Variants in BSPH1 observed in about 807,000 individuals in gnomAD.
BSPH1 encodes binder of sperm protein homolog 1.
A neutral mutation model predicts 22.5 loss-of-function variants in BSPH1; 21 were observed. That is an observed-to-expected ratio of 0.93 (90% CI 0.66 to 1.35). The LOEUF (loss-of-function observed/expected upper bound fraction) is 1.35, where lower values mean the gene tolerates loss of function less well. Ranked by LOEUF, BSPH1 falls within the 40% of genes most tolerant of loss-of-function variation. BSPH1 has a pLI of 0.00. For synonymous variants in BSPH1, 42 were observed against 53.6 expected, an observed-to-expected ratio of 0.78 and a Z score of 0.95; for missense variants, 141 against 154.2, an observed-to-expected ratio of 0.91 and a Z score of 0.45.
chr19:47,971,026 G>C (rs886965062), intron 5 of BSPH1, among the ~76,000 whole-genome samples: 14 of 152,102 alleles, frequency 9.2e-5, no homozygotes, highest in African/African-American at 3.4e-4. Context: ...CTGATACAGG[G>C]AGAAAAATAT....
At chr19:47,989,846 C>T (rs1489059025) in intron 1 of BSPH1, among the ~76,000 whole-genome samples, 2 of 152,046 alleles carry the variant, frequency 1.3e-5, no homozygotes, top group Non-Finnish European at 1.5e-5. Flanking sequence ...AGGCTGTGTG[C>T]GGTGGCTCCT....
chr19:47,989,801 A>G (rs1053861361), intron 1 of BSPH1, among the ~76,000 whole-genome samples: 4 of 152,056 alleles, frequency 2.6e-5, no homozygotes, highest in Admixed American at 2.0e-4. Context: ...GCAGTTTGCT[A>G]CTCAGTAGCT....
chr19:47,971,330 G>A (rs1009810951), intron 5 of BSPH1, among the ~76,000 whole-genome samples: 25 of 152,002 alleles, frequency 1.6e-4, no homozygotes, highest in Admixed American at 1.3e-3. Flanking sequence ...CTCAGCCTCC[G>A]GAGTAGCTGG....
intron 5 of BSPH1, among the ~76,000 whole-genome samples, chr19:47,968,449 C>T (rs1969278674): frequency 6.6e-6 from 1 of 151,534 alleles, no homozygotes; most frequent in Admixed American, 6.6e-5. Flanking sequence ...CCTCTGCTTC[C>T]CGCGTTCAAA....
intron 1 of BSPH1, among the ~76,000 whole-genome samples, chr19:47,984,151 GAAAAAA>G (rs66621103): frequency 5.0e-5 from 7 of 138,662 alleles, no homozygotes; most frequent in African/African-American, 1.6e-4. Context: ...CTGGCTTGAA[GAAAAAA>G]AAAAAAATAT....
At position 47,992,047 on chromosome 19, in the gene BSPH1, G is replaced by C; in HGVS notation, c.35C>G (p.Thr12Arg). 6.5e-7 allele frequency: 1 copy of C among 1,550,380 alleles called. No individual in the cohort carries two copies. The highest frequency in any genetic ancestry group is 1.2e-5 in the South Asian group (1 of 83,994). ...GAAGATGCAAGCTGAGGAATTTCGC[G>C]TCGTTTCCACGAAGAGAAGCATCAG... ...GSLMLLFVETTRNSSACIFPV... is the reference protein window; with the variant it reads ...GSLMLLFVETRRNSSACIFPV... Residue 12 changes from threonine to arginine, a missense_variant, in exon 1 of 6, where the codon ACG (threonine) becomes AGG (arginine). Coordinates refer to ENST00000344839, the MANE Select transcript of BSPH1 (RefSeq NM_001128326.2).
chr19:47,990,068 G>A (rs373607176), intron 1 of BSPH1, among the ~76,000 whole-genome samples: 45 of 145,148 alleles, frequency 3.1e-4, no homozygotes, highest in Non-Finnish European at 4.8e-4. Context: ...GCGGTGAGCC[G>A]AGATCATGCC....
rs186939853 is a variant in BSPH1, at chr19:47,969,386, C to A, written c.*3-1177G>T. 2.6e-5 allele frequency among the ~76,000 whole-genome samples: 4 copies of A among 152,000 alleles called. No homozygotes were observed. In the East Asian group the frequency reaches 7.7e-4, roughly 29 times the overall value. On this transcript the variant is annotated intron_variant, in intron 5 of 5. Coordinates refer to ENST00000344839, the MANE Select transcript of BSPH1 (RefSeq NM_001128326.2). Reference sequence around the variant, plus strand: ...ACATCCAAGTAAACAGATCCTTTATCCAGTTTGATATATGCTTTTGGGGTT... The same window carrying A: ...ACATCCAAGTAAACAGATCCTTTATACAGTTTGATATATGCTTTTGGGGTT...
At chr19:47,980,988 AAG>A in intron 1 of BSPH1, 47 bp from the exon 2 acceptor site, 1 of 1,061,864 alleles carries the variant, frequency 9.4e-7, no homozygotes, top group Non-Finnish European at 1.3e-6. Context: ...TTTAAAATAA[AAG>A]AGATGAAAGG....
intron 5 of BSPH1, 97 bp downstream of exon 5, chr19:47,976,613 C>A: frequency 9.2e-5 from 58 of 630,626 alleles, no homozygotes; most frequent in East Asian, 1.4e-4. Context: ...AAAACCCTCT[C>A]TAATGAGAAA....
In BSPH1 at chr19:47,976,709, C is replaced by T. The variant is rs557166111; in HGVS notation, c.*2+1G>A. The T allele has an allele frequency of 6.4e-7, 1 of 1,551,428 alleles. No individual in the cohort carries two copies. Among genetic ancestry groups the T allele is most frequent in the South Asian group, 1.2e-5 (1 of 84,028 alleles). ...CATCCCCCTCCCCTGGTAAATCTCA[C>T]CATCATTCACAGTATTTCCAAATTC... is the stretch of plus-strand genomic sequence containing the variant. On this transcript the variant is annotated splice_donor_variant, in intron 5 of 5. Coordinates refer to ENST00000344839, the MANE Select transcript of BSPH1 (RefSeq NM_001128326.2). LOFTEE classifies it low-confidence loss of function (3UTR_SPLICE).
At chr19:47,985,835 G>A (rs1350574018) in intron 1 of BSPH1, among the ~76,000 whole-genome samples, 16 of 144,518 alleles carry the variant, frequency 1.1e-4, no homozygotes, top group Non-Finnish European at 1.1e-4. Context: ...ACTTTGTCTA[G>A]AAAAAAAAAA....
intron 5 of BSPH1, among the ~76,000 whole-genome samples, chr19:47,969,017 A>AG (rs1568394235): frequency 6.6e-6 from 1 of 151,692 alleles, no homozygotes; most frequent in Non-Finnish European, 1.5e-5. Context: ...AAAAAAAAAA[A>AG]AAAAAGAAAT....
At chr19:47,985,790 A>G (rs1430201246) in intron 1 of BSPH1, among the ~76,000 whole-genome samples, 1 of 151,760 alleles carries the variant, frequency 6.6e-6, no homozygotes, top group Non-Finnish European at 1.5e-5. Context: ...AGCTGAGATC[A>G]CACCACTACA....
intron 3 of BSPH1, among the ~76,000 whole-genome samples, chr19:47,978,293 T>A (rs1044971875): frequency 2.0e-5 from 3 of 151,942 alleles, no homozygotes; most frequent in Non-Finnish European, 4.4e-5. Context: ...TTTGTAGAGA[T>A]GAGATCTCAC....
At chr19:47,984,779 G>A (rs570313721) in intron 1 of BSPH1, among the ~76,000 whole-genome samples, 1 of 152,126 alleles carries the variant, frequency 6.6e-6, no homozygotes, top group Admixed American at 6.5e-5. Context: ...CCCAGGCTTG[G>A]AAACCAACTA....
intron 5 of BSPH1, among the ~76,000 whole-genome samples, chr19:47,970,267 C>T (rs1264441931): frequency 1.3e-5 from 2 of 152,104 alleles, no homozygotes; most frequent in African/African-American, 2.4e-5. Flanking sequence ...CCATGTTGTC[C>T]AGGCTGGTCT....
intron 5 of BSPH1, among the ~76,000 whole-genome samples, chr19:47,969,003 T>TAAAA (rs34349485): frequency 3.1e-5 from 4 of 127,726 alleles, no homozygotes; most frequent in Admixed American, 8.1e-5. Context: ...TATCTCAGAT[T>TAAAA]AAAAAAAAAA....
intron 1 of BSPH1, chr19:47,981,785 T>C (rs1969422686): frequency 1.0e-6 from 1 of 958,772 alleles, no homozygotes; most frequent in Admixed American, 6.2e-5. Flanking sequence ...TTTTTTTTTC[T>C]TAAAGCAGCA....
Sources: allele counts gnomAD v4.1 joint callset (sites outside exome capture counted in the v4.1 genomes callset), GRCh38; gene constraint gnomAD v4.1.1; transcripts MANE v1.5; gene names NCBI Gene and HGNC (gene_info 2026-07-23, HGNC 2026-07-21).